PTPN3: variants seen among roughly 807,000 people sequenced by gnomAD.
PTPN3 encodes the protein protein tyrosine phosphatase non-receptor type 3.
PTPN3 carries 96 observed loss-of-function variants against 132.7 expected under a neutral mutation model. The observed-to-expected ratio is 0.72, with a 90% CI of 0.61 to 0.86. The LOEUF is 0.86. Among genes scored for constraint, PTPN3 ranks in the 40% least tolerant of loss-of-function variants. The probability of loss-of-function intolerance (pLI) is 0.00; values close to 1 mark genes in which losing one functional copy is unlikely to be tolerated. For missense variants in PTPN3, 1,125 were observed against 1,159.6 expected (o/e 0.97, Z 0.43); for synonymous variants, 398 against 429.0 (o/e 0.93, Z 0.89).
chr9:109,488,895 T>C (rs1277022854), intron 1 of PTPN3, among the ~76,000 whole-genome samples: 1 of 152,140 alleles, frequency 6.6e-6, no homozygotes, highest in Non-Finnish European at 1.5e-5. Context: ...CCAATGCCCA[T>C]CCTCTTCTGC....
chr9:109,434,596 C>T lies in PTPN3; in HGVS notation c.676-1435G>A, dbSNP rs536883946. Among the ~76,000 whole-genome samples, 34 of 152,356 alleles carry T rather than the reference C, an allele frequency of 2.2e-4. No homozygotes were observed. In the South Asian group the frequency reaches 6.4e-3, roughly 29 times the overall value. On this transcript the variant is annotated intron_variant, in intron 9 of 25. Coordinates refer to ENST00000374541, the MANE Select transcript of PTPN3 (RefSeq NM_002829.4). Reference sequence around the variant, plus strand: ...GTGCTGGGGTTAAAGGCGTGAGCCACTATGCTTGACCCAGATACTAGTAAT... The same window carrying T: ...GTGCTGGGGTTAAAGGCGTGAGCCATTATGCTTGACCCAGATACTAGTAAT...
chr9:109,531,693 G>A, the PTPN3 span, among the ~76,000 whole-genome samples: 1,634 of 152,292 alleles, frequency 0.011, 13 homozygotes, highest in Non-Finnish European at 0.019. Flanking sequence ...CATCATGTGA[G>A]ATATGGTTGT....
At chr9:109,519,291 C>A in the PTPN3 span, among the ~76,000 whole-genome samples, 1 of 152,194 alleles carries the variant, frequency 6.6e-6, no homozygotes, top group African/African-American at 2.4e-5. Context: ...ACCAATACTT[C>A]ATTATAAAAC....
At chr9:109,428,576 C>T in intron 11 of PTPN3, 45 bp downstream of exon 11, 1 of 1,587,218 alleles carries the variant, frequency 6.3e-7, no homozygotes, top group African/African-American at 1.3e-5. Context: ...TAACCACACA[C>T]ATACATATGC....
chr9:109,433,293 A>G, intron 9 of PTPN3, 132 bp from the exon 10 acceptor site: 3 of 1,376,322 alleles, frequency 2.2e-6, no homozygotes, highest in Non-Finnish European at 2.8e-6. Flanking sequence ...TACTGAAAAC[A>G]GGCAAAAAGC....
At chr9:109,478,842 C>CTCTCACAT (rs1398342668) in intron 1 of PTPN3, among the ~76,000 whole-genome samples, 3 of 152,186 alleles carry the variant, frequency 2.0e-5, no homozygotes, top group African/African-American at 7.2e-5. Context: ...AAAGAGGGGA[C>CTCTCACAT]CAGGCTTCGC....
the PTPN3 span, among the ~76,000 whole-genome samples, chr9:109,533,275 G>A: frequency 6.6e-6 from 1 of 151,428 alleles, no homozygotes. Flanking sequence ...CTCCCGAGTA[G>A]CTGGGACTAC....
chr9:109,502,762 C>T (rs190616107), upstream of PTPN3, among the ~76,000 whole-genome samples: 20 of 152,316 alleles, frequency 1.3e-4, no homozygotes, highest in Admixed American at 5.2e-4. Context: ...TGCCACTGCA[C>T]TCCAACCTGG....
rs1010627444 is a variant in PTPN3 at position 109,378,383 on chromosome 9, T to C, written c.*1173A>G. 6.5e-5 allele frequency: 10 copies of C among 152,678 alleles called. No homozygotes were observed. Among genetic ancestry groups the C allele is most frequent in the African/African-American group, 2.4e-4 (10 of 41,462 alleles). 9.5% of individuals were successfully genotyped at this position (152,678 alleles called of 1,614,324 possible). On this transcript the variant is annotated 3_prime_UTR_variant, in exon 26 of 26. Coordinates refer to ENST00000374541, the MANE Select transcript of PTPN3 (RefSeq NM_002829.4). Reference sequence around the variant, plus strand: ...GTTCTTAGAATAAATTAACATCAGATTGTGTTTATATTCAGATAGTCTGAT... The same window carrying C: ...GTTCTTAGAATAAATTAACATCAGACTGTGTTTATATTCAGATAGTCTGAT...
the PTPN3 span, chr9:109,534,329 T>C: frequency 2.0e-6 from 3 of 1,519,606 alleles, no homozygotes; most frequent in South Asian, 3.6e-5. Context: ...GCCTCGCTGC[T>C]CAAGGTTGTG....
chr9:109,421,184 T>C (rs1243111180), intron 13 of PTPN3, among the ~76,000 whole-genome samples: 16 of 152,202 alleles, frequency 1.1e-4, no homozygotes, highest in Non-Finnish European at 1.5e-5. Flanking sequence ...GCAGTAGGCA[T>C]GTGACCTTGG....
chr9:109,382,187 TG>T, intron 24 of PTPN3, 114 bp downstream of exon 24: 1 of 1,305,604 alleles, frequency 7.7e-7, no homozygotes, highest in Non-Finnish European at 1.0e-6. Context: ...AACAGAGGTT[TG>T]TAAGGGCACA....
At chr9:109,451,083 G>A (rs10979876) in intron 5 of PTPN3, 311,331 of 969,176 alleles carry the variant, frequency 0.32, 51,977 homozygotes, top group African/African-American at 0.48. Flanking sequence ...AATGGTAGAA[G>A]CCTGGTCCAA....
intron 2 of PTPN3, among the ~76,000 whole-genome samples, 163 bp downstream of exon 2, chr9:109,463,134 C>T (rs530471798): frequency 2.6e-5 from 4 of 151,634 alleles, no homozygotes; most frequent in Admixed American, 2.6e-4. Context: ...GAAATTGGGG[C>T]AACATTTTTA....
intron 2 of PTPN3, among the ~76,000 whole-genome samples, chr9:109,461,052 T>C (rs1441834016): frequency 6.6e-6 from 1 of 152,230 alleles, no homozygotes; most frequent in Non-Finnish European, 1.5e-5. Flanking sequence ...AAACTATTAG[T>C]GTACAGCATC....
At chr9:109,532,796 A>G in the PTPN3 span, 44 of 621,248 alleles carry the variant, frequency 7.1e-5, no homozygotes, top group African/African-American at 2.0e-5. Flanking sequence ...TTGGATGACT[A>G]CACCGGTTGA....
chr9:109,428,806 A>G (rs1588408925), intron 10 of PTPN3, 122 bp from the exon 11 acceptor site: 9 of 1,450,384 alleles, frequency 6.2e-6, no homozygotes, highest in Non-Finnish European at 7.2e-6. Flanking sequence ...TTGGCTGCCT[A>G]GAGTTTACTT....
chr9:109,397,207 T>G (rs1037990780), intron 19 of PTPN3, among the ~76,000 whole-genome samples: 4 of 152,206 alleles, frequency 2.6e-5, no homozygotes, highest in Non-Finnish European at 5.9e-5. Context: ...AATGGCTGTT[T>G]GCTGTATCAG....
At chr9:109,428,825 AAAT>A in intron 10 of PTPN3, 141 bp from the exon 11 acceptor site, 6 of 1,430,082 alleles carry the variant, frequency 4.2e-6, no homozygotes, top group Non-Finnish European at 5.5e-6. Context: ...TTCTCTGTAG[AAAT>A]GATGGCAGCC....
Sources: allele counts gnomAD v4.1 joint callset (sites outside exome capture counted in the v4.1 genomes callset), GRCh38; gene constraint gnomAD v4.1.1; transcripts MANE v1.5; gene names NCBI Gene and HGNC (gene_info 2026-07-23, HGNC 2026-07-21).